Variants in NBEAL1 observed in about 807,000 individuals in gnomAD.
NBEAL1 encodes neurobeachin like 1, also known as neurobeachin-like protein 1.
In NBEAL1, 273 loss-of-function variants were observed where a neutral mutation model predicts 351.3. That is an observed-to-expected ratio of 0.78 (90% CI 0.70 to 0.86). The LOEUF is 0.86. Among genes scored for constraint, NBEAL1 ranks in the 40% least tolerant of loss-of-function variants. The pLI, the probability that NBEAL1 is intolerant of heterozygous loss-of-function variation, is 0.00. For synonymous variants in NBEAL1, 1,050 were observed against 1,086.4 expected, an observed-to-expected ratio of 0.97 and a Z score of 0.66; for missense variants, 2,961 against 3,201.3, an observed-to-expected ratio of 0.92 and a Z score of 1.81.
intron 47 of NBEAL1, among the ~76,000 whole-genome samples, chr2:203,194,129 A>G (rs2065172308): frequency 6.6e-6 from 1 of 152,148 alleles, no homozygotes; most frequent in Non-Finnish European, 1.5e-5. Flanking sequence ...GCTTTCTTTC[A>G]TCTACTTCAC....
Position 203,217,677 on chromosome 2 carries a change from A to G in NBEAL1, c.*323A>G. On this transcript the variant is annotated 3_prime_UTR_variant, in exon 56 of 56. Coordinates refer to ENST00000683969, the MANE Select transcript of NBEAL1 (RefSeq NM_001378026.1). The stretch of plus-strand genomic sequence containing the variant: ...TAAGATTTTTCTAATAAAAGAGTAC[A>G]GATAATGGGACAGTTGAGAGAGATG... 2.1e-6 allele frequency: 2 copies of G among 962,988 alleles called. No homozygotes were observed. Among genetic ancestry groups the G allele is most frequent in the Non-Finnish European group, 2.5e-6 (2 of 805,606 alleles). The allele number at this position is 962,988 out of a possible 1,614,324, so 59.7% of individuals were successfully genotyped here. A position where few individuals can be genotyped will look rare whatever the true frequency, so the allele number is the denominator to read the frequency against.
chr2:203,172,277 T>G (rs2064344463), intron 40 of NBEAL1, among the ~76,000 whole-genome samples: 1 of 152,108 alleles, frequency 6.6e-6, no homozygotes, highest in African/African-American at 2.4e-5. Flanking sequence ...TCCCAGCACT[T>G]TGGGAAGCCA....
At chr2:203,095,586 C>T (rs1264942407) in intron 10 of NBEAL1, among the ~76,000 whole-genome samples, 5 of 151,862 alleles carry the variant, frequency 3.3e-5, no homozygotes, top group Middle Eastern at 3.2e-3. Flanking sequence ...CCACCGCGCC[C>T]GGCCCAAGAA....
intron 45 of NBEAL1, among the ~76,000 whole-genome samples, 165 bp from the exon 46 acceptor site, chr2:203,190,127 C>T (rs1472817625): frequency 1.4e-5 from 2 of 147,946 alleles, no homozygotes; most frequent in Non-Finnish European, 3.0e-5. Flanking sequence ...CAGAGCAAGA[C>T]TCTGTCTCAA....
intron 12 of NBEAL1, among the ~76,000 whole-genome samples, chr2:203,100,024 G>A (rs928494682): frequency 6.6e-5 from 10 of 152,080 alleles, no homozygotes; most frequent in Admixed American, 2.6e-4. Flanking sequence ...GTGTTAGTTC[G>A]CCTAGAATAA....
At chr2:203,061,506 C>T (rs2061498528) in intron 6 of NBEAL1, 1 of 152,414 alleles carries the variant, frequency 6.6e-6, no homozygotes. Context: ...TGAGTTCTTT[C>T]ATGTCGTCAA....
chr2:203,154,868 G>A (rs562228273), intron 35 of NBEAL1, among the ~76,000 whole-genome samples: 4 of 148,310 alleles, frequency 2.7e-5, no homozygotes, highest in South Asian at 2.1e-4. Flanking sequence ...CCAGGAGGTC[G>A]AGGCTACAGT....
chr2:203,111,943 A>G lies in NBEAL1; in HGVS notation c.2083-36A>G, dbSNP rs368641807. 789 of 1,533,476 alleles carry G rather than the reference A, an allele frequency of 5.1e-4. 2 individuals carry two copies. Among genetic ancestry groups the G allele is most frequent in the Non-Finnish European group, 6.5e-4 (742 of 1,142,556 alleles). 95.0% of individuals were successfully genotyped at this position (1,533,476 alleles called of 1,614,324 possible). On this transcript the variant is annotated intron_variant, in intron 15 of 55. Coordinates refer to ENST00000683969, the MANE Select transcript of NBEAL1 (RefSeq NM_001378026.1). Reference sequence around the variant, plus strand: ...ATTTGTCATTCCAAAGACATAATGTAATTTTATCCTTTAAATGTGTGTTTC... The same window carrying G: ...ATTTGTCATTCCAAAGACATAATGTGATTTTATCCTTTAAATGTGTGTTTC...
chr2:203,214,098 A>C (rs775657686), intron 55 of NBEAL1, among the ~76,000 whole-genome samples: 2 of 152,218 alleles, frequency 1.3e-5, no homozygotes, highest in Non-Finnish European at 1.5e-5. Context: ...GCTTATTCTC[A>C]GTGAGTTTCC....
chr2:203,182,194 G>A (rs2064739609), intron 43 of NBEAL1: 1 of 152,184 alleles, frequency 6.6e-6, no homozygotes, highest in African/African-American at 2.4e-5. Flanking sequence ...CTGAGGTATG[G>A]TAGTTTCAGA....
chr2:203,103,260 T>C (rs2062364445), intron 12 of NBEAL1, among the ~76,000 whole-genome samples: 1 of 152,016 alleles, frequency 6.6e-6, no homozygotes, highest in South Asian at 2.1e-4. Flanking sequence ...ACTCCTGGAA[T>C]TGTTGATCTT....
rs1037374699 is a variant in NBEAL1, at chr2:203,090,661, G to T, written c.1098+6092G>T. On this transcript the variant is annotated intron_variant, in intron 10 of 55. Transcript: ENST00000683969. ...CCCAGCACTTTGGGAGGCCGAGGTG[G>T]GCAGATCACTTGAGTTCAGGAGTTC... Among the ~76,000 whole-genome samples, 89 of 152,068 alleles carry T rather than the reference G, an allele frequency of 5.9e-4. 2 individuals are homozygous for T. Among genetic ancestry groups the T allele is most frequent in the Non-Finnish European group, 8.8e-5 (6 of 68,014 alleles).
At chr2:203,071,738 T>C (rs991446748) in intron 7 of NBEAL1, among the ~76,000 whole-genome samples, 7 of 152,206 alleles carry the variant, frequency 4.6e-5, no homozygotes, top group African/African-American at 1.4e-4. Flanking sequence ...TGAAAACAAA[T>C]AAGTTATATG....
chr2:203,146,793 A>G (rs993507684), intron 33 of NBEAL1, among the ~76,000 whole-genome samples: 3 of 152,110 alleles, frequency 2.0e-5, no homozygotes, highest in African/African-American at 7.2e-5. Flanking sequence ...CTCGGTCTCA[A>G]GAACAATAAT....
Position 203,167,268 on chromosome 2 carries a change from G to C in NBEAL1, c.5905G>C (p.Glu1969Gln). 1 of 1,611,554 alleles carries C rather than the reference G, an allele frequency of 6.2e-7. No individual in the cohort carries two copies. The highest frequency in any genetic ancestry group is 2.2e-5 in the East Asian group (1 of 44,706). The stretch of plus-strand genomic sequence containing the variant: ...CAAGTGGCCTCATTCTCAAATTCGA[G>C]AGATTCATCTCCGGCGTTACAATTT... Reference protein sequence around the residue: ...DFKWPHSQIREIHLRRYNLRR... With the variant: ...DFKWPHSQIRQIHLRRYNLRR... The change falls in exon 38 of 56, where the codon GAG becomes CAG. Residue 1969 changes from glutamate to glutamine, a missense_variant. By Grantham distance (29) the Glu-to-Gln change is conservative. Transcript: ENST00000683969.
chr2:203,057,530 C>T, intron 6 of NBEAL1, 77 bp downstream of exon 6: 1 of 1,247,146 alleles, frequency 8.0e-7, no homozygotes, highest in Non-Finnish European at 1.1e-6. Flanking sequence ...CAGGTCTTCT[C>T]TATGAAAGCA....
chr2:203,129,042 A>G (rs1307150646), intron 24 of NBEAL1, among the ~76,000 whole-genome samples: 1 of 152,230 alleles, frequency 6.6e-6, no homozygotes, highest in Non-Finnish European at 1.5e-5. Context: ...GCCCCTAACC[A>G]ACTTTACCTG....
At chr2:203,121,567 G>C (rs1199415827) in intron 18 of NBEAL1, among the ~76,000 whole-genome samples, 1 of 150,698 alleles carries the variant, frequency 6.6e-6, no homozygotes, top group Non-Finnish European at 1.5e-5. Context: ...CAGGAGAATT[G>C]CTCGAATCTG....
chr2:203,147,920 T>A (rs1326277634), intron 33 of NBEAL1, among the ~76,000 whole-genome samples: 1 of 152,040 alleles, frequency 6.6e-6, no homozygotes, highest in Non-Finnish European at 1.5e-5. Flanking sequence ...ACTTTCCCCT[T>A]AACTTTACCT....
Sources: allele counts gnomAD v4.1 joint callset (sites outside exome capture counted in the v4.1 genomes callset), GRCh38; gene constraint gnomAD v4.1.1; transcripts MANE v1.5; gene names NCBI Gene and HGNC (gene_info 2026-07-23, HGNC 2026-07-21).